The following KIF14 variants were observed in gnomAD, a reference collection of about 807,000 sequenced individuals.
The protein encoded by KIF14 is kinesin family member 14, also known as kinesin-like protein KIF14.
KIF14 carries 98 observed loss-of-function variants against 176.2 expected under a neutral mutation model. The observed-to-expected ratio is 0.56, with a 90% CI of 0.47 to 0.66. The LOEUF (loss-of-function observed/expected upper bound fraction) is 0.66. KIF14 is among the 30% of genes least tolerant of loss of function. KIF14 has a pLI of 0.00. For synonymous variants in KIF14, 566 were observed against 632.2 expected (o/e 0.90, Z 1.57); for missense variants, 1,751 against 1,920.4 (o/e 0.91, Z 1.65).
intron 22 of KIF14, among the ~76,000 whole-genome samples, chr1:200,573,502 C>T (rs925498445): frequency 7.0e-6 from 1 of 142,212 alleles, no homozygotes; most frequent in African/African-American, 2.7e-5. Flanking sequence ...GGCGCAATCT[C>T]GGCTCACTGC....
chr1:200,568,162 G>A (rs762194374), intron 23 of KIF14, among the ~76,000 whole-genome samples: 28 of 152,168 alleles, frequency 1.8e-4, no homozygotes, highest in Non-Finnish European at 3.7e-4. Context: ...ACTCACAGCT[G>A]CCCAGACGGG....
intron 11 of KIF14, 24 bp downstream of exon 11, chr1:200,601,872 T>G (rs777200159): frequency 6.3e-7 from 1 of 1,579,782 alleles, no homozygotes. Context: ...CAAAACAATT[T>G]TTAAATTCTG....
chr1:200,582,728 T>C (rs771440970), intron 19 of KIF14, among the ~76,000 whole-genome samples: 27 of 152,208 alleles, frequency 1.8e-4, no homozygotes, highest in Non-Finnish European at 3.7e-4. Context: ...CGGATGCCTG[T>C]AGTCCCAGCT....
Position 200,552,914 on chromosome 1 carries a change from A to ATTTT in KIF14, c.*470_*473dup, listed in dbSNP as rs1308403938. The ATTTT allele has an allele frequency of 3.8e-5, 3 of 79,170 alleles. No individual in the cohort carries two copies. The highest frequency in any genetic ancestry group is 6.4e-5 in the Non-Finnish European group (3 of 46,742). The allele number at this position is 79,170 out of a possible 1,614,324, so 4.9% of individuals were successfully genotyped here. A position where few individuals can be genotyped will look rare whatever the true frequency, so the allele number is the denominator to read the frequency against. ...TTAAACACTTTAAAGATAAAAATAT[A>ATTTT]TTTTATTTATTTATTTATTTATTTA... On this transcript the variant is annotated 3_prime_UTR_variant, in exon 30 of 30. Transcript: ENST00000367350.
Position 200,618,517 on chromosome 1 carries a change from AATAAC to A in KIF14, c.202_206del (p.Val68PhefsTer4). On this transcript the variant is annotated frameshift_variant, in exon 2 of 30. Transcript: ENST00000367350. LOFTEE classifies it high-confidence loss of function. ...TGTCTGCTGTTTTTCTACTGGCAGA[AATAAC>A]ATAAGTTCTATTTATGTCTCTGACT... is the stretch of plus-strand genomic sequence containing the variant. 1 of 1,614,120 alleles carries A rather than the reference AATAAC, an allele frequency of 6.2e-7. No homozygotes were observed. Among genetic ancestry groups the A allele is most frequent in the Non-Finnish European group, 8.5e-7 (1 of 1,179,962 alleles).
At chr1:200,585,467 T>C (rs1446535440) in intron 19 of KIF14, among the ~76,000 whole-genome samples, 2 of 152,118 alleles carry the variant, frequency 1.3e-5, no homozygotes, top group East Asian at 3.8e-4. Context: ...TATTAACAGA[T>C]ATAAAACAAA....
Position 200,605,406 on chromosome 1 carries a change from G to C in KIF14, c.1639-16C>G. 6.4e-7 allele frequency: 1 copy of C among 1,574,650 alleles called. No homozygotes were observed. Among genetic ancestry groups the C allele is most frequent in the Non-Finnish European group, 8.7e-7 (1 of 1,146,470 alleles). ...CTAGCCAACTCTTATAAGAAAAAAG[G>C]AAGGAAGATCAGATCAGCAGACTGT... On this transcript the variant is annotated splice_polypyrimidine_tract_variant and intron_variant, in intron 7 of 29. Coordinates refer to ENST00000367350, the MANE Select transcript of KIF14 (RefSeq NM_014875.3).
At chr1:200,559,082 A>C (rs974487194) in intron 27 of KIF14, among the ~76,000 whole-genome samples, 4 of 152,212 alleles carry the variant, frequency 2.6e-5, no homozygotes, top group African/African-American at 9.6e-5. Flanking sequence ...TCTGCTTAGG[A>C]GTTTACAGAC....
At chr1:200,567,949 C>T (rs1333942898) in intron 23 of KIF14, among the ~76,000 whole-genome samples, 1 of 152,012 alleles carries the variant, frequency 6.6e-6, no homozygotes, top group African/African-American at 2.4e-5. Flanking sequence ...GAAGAGTTAA[C>T]TATATATTCT....
chr1:200,602,852 G>T (rs1659692644), intron 10 of KIF14, among the ~76,000 whole-genome samples: 1 of 152,120 alleles, frequency 6.6e-6, no homozygotes, highest in Non-Finnish European at 1.5e-5. Flanking sequence ...CAATATGTTT[G>T]GTAGTACCAT....
At chr1:200,617,562 G>T (rs201341872) in intron 2 of KIF14, 50 bp downstream of exon 2, 4 of 1,523,838 alleles carry the variant, frequency 2.6e-6, no homozygotes, top group Non-Finnish European at 3.5e-6. Flanking sequence ...GGAATTAAAG[G>T]TACCTTACAT....
At chr1:200,563,860 T>C (rs1657293637) in intron 25 of KIF14, among the ~76,000 whole-genome samples, 1 of 152,176 alleles carries the variant, frequency 6.6e-6, no homozygotes, top group African/African-American at 2.4e-5. Context: ...TTTTAAAAAA[T>C]ACATTTCCTC....
chr1:200,584,551 C>A (rs142428112), intron 19 of KIF14, among the ~76,000 whole-genome samples: 1 of 152,152 alleles, frequency 6.6e-6, no homozygotes, highest in East Asian at 1.9e-4. Context: ...GATGGTTTAA[C>A]ATATACAAAT....
chr1:200,610,509 CAAAAAAAAAA>C lies in KIF14; in HGVS notation c.1456-1591_1456-1582del, dbSNP rs35647787. 1.9e-5 allele frequency among the ~76,000 whole-genome samples: 2 copies of C among 107,844 alleles called. 1 individual carries two copies. The highest frequency in any genetic ancestry group is 6.2e-4 in the South Asian group (2 of 3,214). The allele number at this position is 107,844 out of a possible 152,430, so 70.7% of individuals were successfully genotyped here. A position where few individuals can be genotyped will look rare whatever the true frequency, so the allele number is the denominator to read the frequency against. ...TGGGTGACAGAGCGAGACTTCCTCT[CAAAAAAAAAA>C]AAAAAAAAAAATTTAATATGAATAA... On this transcript the variant is annotated intron_variant, in intron 4 of 29. Coordinates refer to ENST00000367350, the MANE Select transcript of KIF14 (RefSeq NM_014875.3).
chr1:200,585,786 G>C (rs573966234), intron 19 of KIF14, among the ~76,000 whole-genome samples: 1 of 152,178 alleles, frequency 6.6e-6, no homozygotes, highest in East Asian at 1.9e-4. Flanking sequence ...ATCTATGAGG[G>C]CTCTACCCTC....
Position 200,589,214 on chromosome 1 carries a change from T to C in KIF14, c.3114+3A>G. On this transcript the variant is annotated splice_donor_region_variant and intron_variant, in intron 18 of 29. Coordinates refer to ENST00000367350, the MANE Select transcript of KIF14 (RefSeq NM_014875.3). ...GAGTTAACTGGTTACACAATAAAAT[T>C]ACCTGTTTTGTAGCCAATGTTTCCA... 3.1e-6 allele frequency: 5 copies of C among 1,593,416 alleles called. No homozygotes were observed. The highest frequency in any genetic ancestry group is 4.3e-6 in the Non-Finnish European group (5 of 1,170,608).
intron 14 of KIF14, among the ~76,000 whole-genome samples, chr1:200,594,315 G>A (rs961633931): frequency 2.8e-5 from 4 of 143,350 alleles, no homozygotes; most frequent in African/African-American, 1.1e-4. Context: ...ATTCTTCATT[G>A]GGTGTATTTT....
chr1:200,573,489 A>G lies in KIF14; in HGVS notation c.3566+2102T>C, dbSNP rs576504290. On this transcript the variant is annotated intron_variant, in intron 22 of 29. Transcript: ENST00000367350. The stretch of plus-strand genomic sequence containing the variant: ...CGCTGTTTAGCCCAGGCCGGATTGC[A>G]GTGGCGCAATCTCGGCTCACTGCAA... Among the ~76,000 whole-genome samples, 169 of 126,596 alleles carry G rather than the reference A, an allele frequency of 1.3e-3. 1 individual carries two copies. Among genetic ancestry groups the G allele is most frequent in the African/African-American group, 5.3e-3 (164 of 30,942 alleles). 83.1% of individuals were successfully genotyped at this position (126,596 alleles called of 152,430 possible).
intron 22 of KIF14, among the ~76,000 whole-genome samples, chr1:200,571,634 C>A (rs1222001431): frequency 6.6e-6 from 1 of 152,082 alleles, no homozygotes; most frequent in African/African-American, 2.4e-5. Flanking sequence ...GATTATTAAG[C>A]CAAAGCATTC....
Sources: allele counts gnomAD v4.1 joint callset (sites outside exome capture counted in the v4.1 genomes callset), GRCh38; gene constraint gnomAD v4.1.1; transcripts MANE v1.5; gene names NCBI Gene and HGNC (gene_info 2026-07-23, HGNC 2026-07-21).